The following GMDS variants were observed in gnomAD, a reference collection of about 807,000 sequenced individuals.
GMDS encodes the protein GDP-mannose 4,6-dehydratase, also known as GDP-mannose 4,6 dehydratase.
Under a neutral mutation model 49.9 loss-of-function variants are expected in GMDS, and 20 were observed. That is an observed-to-expected ratio of 0.40 (90% CI 0.28 to 0.58). The LOEUF is 0.58. GMDS is among the 20% of genes least tolerant of loss of function. GMDS has a pLI of 0.42. For synonymous variants in GMDS, 177 were observed against 178.6 expected, an observed-to-expected ratio of 0.99 and a Z score of 0.07; for missense variants, 362 against 481.4, an observed-to-expected ratio of 0.75 and a Z score of 2.32.
chr6:1,885,331 G>A (rs1261642140), intron 7 of GMDS, among the ~76,000 whole-genome samples: 1 of 152,118 alleles, frequency 6.6e-6, no homozygotes, highest in African/African-American at 2.4e-5. Flanking sequence ...TAGAATAAGT[G>A]GATTCTCCCC....
chr6:2,154,310 C>A (rs1307288354), intron 1 of GMDS, among the ~76,000 whole-genome samples: 1 of 151,948 alleles, frequency 6.6e-6, no homozygotes, highest in African/African-American at 2.4e-5. Context: ...ATACAACAAC[C>A]CTATTTGGGA....
intron 4 of GMDS, among the ~76,000 whole-genome samples, chr6:2,016,938 T>G (rs1387202082): frequency 6.6e-6 from 1 of 151,984 alleles, no homozygotes; most frequent in Admixed American, 6.5e-5. Context: ...TTTTAAACAC[T>G]TATAGAAAGA....
At position 1,635,237 on chromosome 6, in the gene GMDS, C is replaced by T. The variant is rs1763107615; in HGVS notation, c.988-10697G>A. ...CTCTCTGCTGAGCAAGTCTGCTTAG[C>T]TCTGGGAAAGGGGCTCCGTTTCACA... On this transcript the variant is annotated intron_variant, in intron 9 of 10. Transcript: ENST00000380815. The surrounding 1 kb of genome is among the most constrained non-coding windows in gnomAD (Gnocchi z 4.7). 6.6e-6 allele frequency among the ~76,000 whole-genome samples: 1 copy of T among 152,182 alleles called. No homozygotes were observed. Among genetic ancestry groups the T allele is most frequent in the Non-Finnish European group, 1.5e-5 (1 of 68,036 alleles).
chr6:1,850,082 C>T (rs748874109), intron 7 of GMDS, among the ~76,000 whole-genome samples: 2 of 152,178 alleles, frequency 1.3e-5, no homozygotes, highest in Non-Finnish European at 2.9e-5. Flanking sequence ...TTCCCAGTGC[C>T]TTTTCTTCCT....
At chr6:1,813,794 A>G (rs1770546770) in intron 7 of GMDS, among the ~76,000 whole-genome samples, 1 of 152,186 alleles carries the variant, frequency 6.6e-6, no homozygotes, top group African/African-American at 2.4e-5. Context: ...TATTAGTATG[A>G]GTCAACTAAA....
chr6:1,900,894 TCA>T (rs754403651), intron 7 of GMDS, among the ~76,000 whole-genome samples: 1 of 152,238 alleles, frequency 6.6e-6, no homozygotes, highest in Non-Finnish European at 1.5e-5. Context: ...ATGATATCAC[TCA>T]CAGTGTTTCA....
At chr6:1,890,141 G>A (rs1431357967) in intron 7 of GMDS, among the ~76,000 whole-genome samples, 2 of 151,856 alleles carry the variant, frequency 1.3e-5, no homozygotes, top group Admixed American at 6.6e-5. Context: ...CTTGAACACC[G>A]AGAAACTGTC....
At chr6:2,044,181 C>G (rs1769854689) in intron 4 of GMDS, among the ~76,000 whole-genome samples, 1 of 152,160 alleles carries the variant, frequency 6.6e-6, no homozygotes, top group Admixed American at 6.5e-5. Context: ...AAAAACAGAA[C>G]TAACATTCAA....
chr6:1,684,993 C>T (rs540625338), intron 9 of GMDS, among the ~76,000 whole-genome samples: 2 of 149,190 alleles, frequency 1.3e-5, no homozygotes, highest in Admixed American at 6.7e-5. Context: ...TACTATGACA[C>T]AAAACTGCTC....
intron 8 of GMDS, among the ~76,000 whole-genome samples, chr6:1,740,259 T>A (rs1358497021): frequency 6.6e-6 from 1 of 152,212 alleles, no homozygotes; most frequent in Non-Finnish European, 1.5e-5. Flanking sequence ...ACTATACGTT[T>A]TAATTAAAAT....
chr6:2,056,089 A>G (rs1296855779), intron 4 of GMDS, among the ~76,000 whole-genome samples: 2 of 152,178 alleles, frequency 1.3e-5, no homozygotes, highest in African/African-American at 2.4e-5. Context: ...AATGTTGCCA[A>G]CTGAACCAAA....
chr6:1,737,387 G>A (rs957226707), intron 8 of GMDS, among the ~76,000 whole-genome samples: 7 of 152,142 alleles, frequency 4.6e-5, no homozygotes, highest in Non-Finnish European at 1.0e-4. Flanking sequence ...AATTGTAGGA[G>A]AAAAGTGTTT....
intron 1 of GMDS, among the ~76,000 whole-genome samples, chr6:2,141,144 G>A (rs113286158): frequency 6.6e-6 from 1 of 152,314 alleles, no homozygotes; most frequent in East Asian, 1.9e-4. Context: ...AGCTACAAAC[G>A]GTTCAATAAA....
intron 7 of GMDS, among the ~76,000 whole-genome samples, chr6:1,794,727 T>C (rs553206787): frequency 3.3e-5 from 5 of 152,348 alleles, no homozygotes; most frequent in Admixed American, 6.5e-5. Context: ...ACAAGACCTT[T>C]ATATGTGTAC....
chr6:2,035,869 T>TA (rs1263955589), intron 4 of GMDS, among the ~76,000 whole-genome samples: 2 of 152,032 alleles, frequency 1.3e-5, no homozygotes, highest in Non-Finnish European at 2.9e-5. Context: ...ATATTTTTAG[T>TA]AAAAACGGGG....
At chr6:1,751,176 G>A (rs1767715295) in intron 7 of GMDS, among the ~76,000 whole-genome samples, 1 of 152,232 alleles carries the variant, frequency 6.6e-6, no homozygotes, top group Non-Finnish European at 1.5e-5. Context: ...CTGCCTGCCG[G>A]CTCTGAAGAG....
intron 1 of GMDS, among the ~76,000 whole-genome samples, chr6:2,183,647 CA>C (rs1328652951): frequency 6.6e-6 from 1 of 152,188 alleles, no homozygotes; most frequent in Non-Finnish European, 1.5e-5. Flanking sequence ...AGAAGTTCTA[CA>C]GTGAGTAAAA....
chr6:1,987,279 CAA>C (rs1561949116), intron 4 of GMDS, among the ~76,000 whole-genome samples: 1 of 65,082 alleles, frequency 1.5e-5, no homozygotes, highest in East Asian at 4.3e-4. Context: ...AACCTTTTTT[CAA>C]CTTTTTTTTT....
chr6:1,673,789 A>G (rs1213366666), intron 9 of GMDS, among the ~76,000 whole-genome samples: 2 of 152,080 alleles, frequency 1.3e-5, no homozygotes, highest in African/African-American at 4.8e-5. Context: ...GGAATCATAC[A>G]GTACTCAGCT....
Sources: allele counts gnomAD v4.1 joint callset (sites outside exome capture counted in the v4.1 genomes callset), GRCh38; gene constraint gnomAD v4.1.1; non-coding constraint Gnocchi (gnomAD v3.1); transcripts MANE v1.5; gene names NCBI Gene and HGNC (gene_info 2026-07-23, HGNC 2026-07-21).